The following ACOT7 variants were observed in gnomAD, a reference collection of about 807,000 sequenced individuals.
The protein encoded by ACOT7 is cytosolic acyl coenzyme A thioester hydrolase.
Under a neutral mutation model 40.2 loss-of-function variants are expected in ACOT7, and 12 were observed. The ratio of observed to expected loss-of-function variants is 0.30; its 90% CI spans 0.19 to 0.48. The LOEUF (loss-of-function observed/expected upper bound fraction) is 0.48. Among genes scored for constraint, ACOT7 ranks in the 20% least tolerant of loss-of-function variants. The pLI is 0.99. For missense variants in ACOT7, 395 were observed against 530.8 expected (o/e 0.74, Z 2.51); for synonymous variants, 228 against 219.5 (o/e 1.04, Z -0.34).
chr1:6,299,409 TG>T lies in ACOT7; in HGVS notation c.713-4430del, dbSNP rs1639901150. Among the ~76,000 whole-genome samples, 3 of 152,144 alleles carry T rather than the reference TG, an allele frequency of 2.0e-5. No individual in the cohort carries two copies. The highest frequency in any genetic ancestry group is 7.2e-5 in the African/African-American group (3 of 41,436). The stretch of plus-strand genomic sequence containing the variant: ...TCAGAACACCAGGTAACATGCTGGC[TG>T]AGAACCCCACACACTTGGCTCAGGT... On this transcript the variant is annotated intron_variant, in intron 6 of 8. Coordinates refer to ENST00000361521, the MANE Select transcript of ACOT7 (RefSeq NM_007274.4). This position sits in a 1 kb window ranked among gnomAD's most constrained non-coding sequence, Gnocchi z 4.1.
intron 8 of ACOT7, among the ~76,000 whole-genome samples, chr1:6,279,474 C>T (rs948797698): frequency 5.9e-5 from 9 of 152,202 alleles, no homozygotes; most frequent in African/African-American, 1.7e-4. Flanking sequence ...GAGCAGTCCT[C>T]GCACCAGAAG....
chr1:6,343,682 G>A (rs945914849), intron 2 of ACOT7, among the ~76,000 whole-genome samples: 1 of 152,294 alleles, frequency 6.6e-6, no homozygotes, highest in African/African-American at 2.4e-5. Flanking sequence ...CCTCTGGGCA[G>A]GGCAATGCCC....
intron 6 of ACOT7, among the ~76,000 whole-genome samples, chr1:6,308,495 AGGCAGAGGGAACTACAACCG>A (rs1286773842): frequency 7.4e-5 from 11 of 149,350 alleles, no homozygotes; most frequent in African/African-American, 1.2e-4. Flanking sequence ...AACCACAACC[AGGCAGAGGGAACTACAACCG>A]GGCAGAGGGA....
rs1392456280 is a variant in ACOT7 at position 6,338,468 on chromosome 1, G to C, written c.418+965C>G. ...GTCAGAGGTGCCTGCTGAGGGAGCA[G>C]CAGGCAATGGGAACGCAGACCACCT... On this transcript the variant is annotated intron_variant, in intron 3 of 8. Transcript: ENST00000361521. The surrounding 1 kb of genome is among the most constrained non-coding windows in gnomAD (Gnocchi z 4.4). Among the ~76,000 whole-genome samples the C allele has an allele frequency of 6.6e-6, 1 of 152,218 alleles. No homozygotes were observed. Among genetic ancestry groups the C allele is most frequent in the Non-Finnish European group, 1.5e-5 (1 of 68,044 alleles).
At position 6,334,274 on chromosome 1, in the gene ACOT7, G is replaced by A. The variant is rs967247882; in HGVS notation, c.419-706C>T. Among the ~76,000 whole-genome samples the A allele has an allele frequency of 3.3e-5, 5 of 152,350 alleles. No individual in the cohort carries two copies. The South Asian group carries it at 6.2e-4, about 19-fold the overall frequency. The stretch of plus-strand genomic sequence containing the variant: ...AAAGTGCCTTGCTGGGGAACTTGAC[G>A]TCCTGATGCTCAGACACGCAACGTC... On this transcript the variant is annotated intron_variant, in intron 3 of 8. Coordinates refer to ENST00000361521, the MANE Select transcript of ACOT7 (RefSeq NM_007274.4).
intron 6 of ACOT7, among the ~76,000 whole-genome samples, chr1:6,297,236 C>A (rs937574224): frequency 6.6e-6 from 1 of 152,082 alleles, no homozygotes; most frequent in Non-Finnish European, 1.5e-5. Flanking sequence ...CAGGGTTTTG[C>A]CATGTTGTCC....
rs1033205037 is a variant in ACOT7, at chr1:6,274,947, G to A, written c.1014+6155C>T. Among the ~76,000 whole-genome samples the A allele has an allele frequency of 6.6e-6, 1 of 152,232 alleles. No individual in the cohort carries two copies. The highest frequency in any genetic ancestry group is 1.5e-5 in the Non-Finnish European group (1 of 68,034). On this transcript the variant is annotated intron_variant, in intron 8 of 8. Transcript: ENST00000361521. This position sits in a 1 kb window ranked among gnomAD's most constrained non-coding sequence, Gnocchi z 5.9. ...GGCCTGGCTGGGAGAAAGCACAGTGGCATCGATGACAGCAGTGAGCGGCCC... is the reference window on the plus strand; with the variant it reads ...GGCCTGGCTGGGAGAAAGCACAGTGACATCGATGACAGCAGTGAGCGGCCC...
At chr1:6,343,220 G>A (rs958237741) in intron 2 of ACOT7, among the ~76,000 whole-genome samples, 3 of 152,178 alleles carry the variant, frequency 2.0e-5, no homozygotes, top group Non-Finnish European at 4.4e-5. Context: ...TGGTGTGTGC[G>A]TCTGTGCTCT....
At chr1:6,378,400 T>C (rs114267189) in intron 1 of ACOT7, among the ~76,000 whole-genome samples, 1,718 of 151,934 alleles carry the variant, frequency 0.011, 35 homozygotes, top group African/African-American at 0.039. Context: ...AGCCAACAAG[T>C]CCCATGGGGG....
chr1:6,339,044 A>G (rs72633433), intron 3 of ACOT7, among the ~76,000 whole-genome samples: 9,338 of 152,198 alleles, frequency 0.061, 362 homozygotes, highest in Non-Finnish European at 0.088. Flanking sequence ...ACACCTCCCT[A>G]CGCTTGAGGA....
chr1:6,373,820 G>A (rs975572371), intron 1 of ACOT7, among the ~76,000 whole-genome samples: 4 of 151,082 alleles, frequency 2.6e-5, no homozygotes, highest in South Asian at 4.2e-4. Context: ...AGCCGAGATC[G>A]TGCCATTGCA....
intron 5 of ACOT7, among the ~76,000 whole-genome samples, chr1:6,322,080 G>T (rs1415750562): frequency 6.6e-6 from 1 of 152,182 alleles, no homozygotes; most frequent in Non-Finnish European, 1.5e-5. Context: ...CAAGCCACAG[G>T]TCGTGCGAAC....
Position 6,382,774 on chromosome 1 carries a change from C to T in ACOT7, c.143+10483G>A, listed in dbSNP as rs78390079. Among the ~76,000 whole-genome samples the T allele has an allele frequency of 2.4e-3, 370 of 151,888 alleles. 11 individuals carry two copies. Among genetic ancestry groups the T allele is most frequent in the Admixed American group, 9.7e-3 (148 of 15,278 alleles). ...GTGACCGAGACTGCACCACCACATG[C>T]GCCCCAGAAGACAGAGTAACACCCT... On this transcript the variant is annotated intron_variant, in intron 1 of 8. Coordinates refer to ENST00000361521, the MANE Select transcript of ACOT7 (RefSeq NM_007274.4).
At chr1:6,342,570 C>T (rs561827094) in intron 2 of ACOT7, among the ~76,000 whole-genome samples, 2 of 152,340 alleles carry the variant, frequency 1.3e-5, no homozygotes, top group East Asian at 1.9e-4. Context: ...TGGGCTCAAG[C>T]GATCCTCCAG....
chr1:6,335,293 C>G (rs1043190534), intron 3 of ACOT7, among the ~76,000 whole-genome samples: 1 of 138,410 alleles, frequency 7.2e-6, no homozygotes, highest in Non-Finnish European at 1.5e-5. Flanking sequence ...CGCCATTGCA[C>G]TCTAGGCTGG....
At position 6,275,210 on chromosome 1, in the gene ACOT7, C is replaced by G. The variant is rs1487749943; in HGVS notation, c.1014+5892G>C. Among the ~76,000 whole-genome samples the G allele has an allele frequency of 1.3e-5, 2 of 152,224 alleles. No homozygotes were observed. Among genetic ancestry groups the G allele is most frequent in the African/African-American group, 4.8e-5 (2 of 41,460 alleles). On this transcript the variant is annotated intron_variant, in intron 8 of 8. Coordinates refer to ENST00000361521, the MANE Select transcript of ACOT7 (RefSeq NM_007274.4). The surrounding 1 kb of genome is among the most constrained non-coding windows in gnomAD (Gnocchi z 5.6). The stretch of plus-strand genomic sequence containing the variant: ...GTCCCTTGCCCACCCAGGAGACAGG[C>G]AGCAGCCTCTGCATCCAGCTGCCCT...
chr1:6,285,612 C>T (rs1639480212), intron 7 of ACOT7, among the ~76,000 whole-genome samples: 1 of 152,274 alleles, frequency 6.6e-6, no homozygotes, highest in South Asian at 2.1e-4. Context: ...ACAGGTCCCT[C>T]CACCAAATGT....
chr1:6,276,366 A>G (rs570055686), intron 8 of ACOT7, among the ~76,000 whole-genome samples: 377 of 152,210 alleles, frequency 2.5e-3, no homozygotes, highest in Middle Eastern at 0.017. Context: ...CCAAGGTCAG[A>G]GGGCACTGCC....
At chr1:6,391,600 G>T (rs201869788) in intron 1 of ACOT7, among the ~76,000 whole-genome samples, 2 of 152,304 alleles carry the variant, frequency 1.3e-5, no homozygotes, top group East Asian at 3.9e-4. Flanking sequence ...TAAATAAAAG[G>T]CCAGCCTTCC....
Sources: allele counts gnomAD v4.1 joint callset (sites outside exome capture counted in the v4.1 genomes callset), GRCh38; gene constraint gnomAD v4.1.1; non-coding constraint Gnocchi (gnomAD v3.1); transcripts MANE v1.5; gene names NCBI Gene and HGNC (gene_info 2026-07-23, HGNC 2026-07-21).